The following DOCK2 variants were observed in gnomAD, a reference collection of about 807,000 sequenced individuals.
The protein encoded by DOCK2 is dedicator of cytokinesis protein 2.
DOCK2 carries 87 observed loss-of-function variants against 248.9 expected under a neutral mutation model. That is an observed-to-expected ratio of 0.35 (90% CI 0.29 to 0.42). DOCK2 has a LOEUF of 0.42. Among genes scored for constraint, DOCK2 ranks in the 10% least tolerant of loss-of-function variants. The pLI is 1.00. For synonymous variants in DOCK2, 805 were observed against 821.6 expected, an observed-to-expected ratio of 0.98 and a Z score of 0.35; for missense variants, 1,747 against 2,300.2, an observed-to-expected ratio of 0.76 and a Z score of 4.92.
chr5:169,900,236 A>G (rs1210839324), intron 27 of DOCK2, among the ~76,000 whole-genome samples: 1 of 152,214 alleles, frequency 6.6e-6, no homozygotes, highest in East Asian at 1.9e-4. Flanking sequence ...CCACCATCCC[A>G]GGCCCTAACC....
At chr5:169,866,669 CCTT>C (rs1434687599) in intron 27 of DOCK2, among the ~76,000 whole-genome samples, 1 of 152,194 alleles carries the variant, frequency 6.6e-6, no homozygotes, top group Non-Finnish European at 1.5e-5. Context: ...CTGTTAGAGA[CCTT>C]CTAGCCAAAG....
chr5:169,732,049 G>T (rs990400020), intron 22 of DOCK2, among the ~76,000 whole-genome samples: 33 of 152,156 alleles, frequency 2.2e-4, no homozygotes, highest in African/African-American at 8.0e-4. Flanking sequence ...AACCCGGGAG[G>T]CAGAAGTTGC....
intron 45 of DOCK2, 150 bp from the exon 46 acceptor site, chr5:170,068,987 G>T (rs1315771370): frequency 1.6e-6 from 1 of 620,820 alleles, no homozygotes; most frequent in East Asian, 2.9e-5. Context: ...AACAATGTCA[G>T]TCTCTCCAGA....
chr5:170,078,491 G>A (rs1757917429), intron 48 of DOCK2, among the ~76,000 whole-genome samples: 1 of 152,180 alleles, frequency 6.6e-6, no homozygotes, highest in African/African-American at 2.4e-5. Context: ...AGATACATGA[G>A]CAACCCAGCA....
chr5:169,749,979 C>T (rs1763812868), intron 23 of DOCK2, among the ~76,000 whole-genome samples: 1 of 152,172 alleles, frequency 6.6e-6, no homozygotes, highest in Admixed American at 6.5e-5. Flanking sequence ...AGTAGCCACA[C>T]AGTGTTGGGA....
At chr5:170,039,097 T>C (rs1181871349) in intron 36 of DOCK2, among the ~76,000 whole-genome samples, 1 of 152,256 alleles carries the variant, frequency 6.6e-6, no homozygotes, top group Non-Finnish European at 1.5e-5. Flanking sequence ...TGGCTCTGGC[T>C]CTTTTAACCT....
At chr5:169,877,120 A>C (rs1013579904) in intron 27 of DOCK2, among the ~76,000 whole-genome samples, 1 of 152,238 alleles carries the variant, frequency 6.6e-6, no homozygotes, top group African/African-American at 2.4e-5. Context: ...CACACAAAGC[A>C]GGGCAGAAAA....
At chr5:169,671,685 C>T (rs1759057304) in intron 5 of DOCK2, among the ~76,000 whole-genome samples, 1 of 152,190 alleles carries the variant, frequency 6.6e-6, no homozygotes, top group Admixed American at 6.5e-5. Context: ...TTAAATCCTC[C>T]TTTGATGCTC....
intron 27 of DOCK2, among the ~76,000 whole-genome samples, chr5:169,901,911 A>G (rs1226847389): frequency 6.6e-6 from 1 of 152,184 alleles, no homozygotes; most frequent in Non-Finnish European, 1.5e-5. Context: ...GCAAGAACAC[A>G]TGGCTCTGGG....
chr5:169,867,480 T>C (rs1333050787), intron 27 of DOCK2, among the ~76,000 whole-genome samples: 1 of 152,170 alleles, frequency 6.6e-6, no homozygotes, highest in Non-Finnish European at 1.5e-5. Context: ...CATCCATCTA[T>C]CATCTATCTA....
intron 34 of DOCK2, among the ~76,000 whole-genome samples, chr5:170,033,566 C>T (rs1370115561): frequency 2.6e-5 from 4 of 152,138 alleles, no homozygotes; most frequent in Admixed American, 6.5e-5. Context: ...ATGCAGTGTT[C>T]GGCAGTAGAG....
intron 29 of DOCK2, among the ~76,000 whole-genome samples, chr5:169,987,173 A>C (rs1025871739): frequency 1.3e-5 from 2 of 152,180 alleles, no homozygotes; most frequent in African/African-American, 2.4e-5. Flanking sequence ...AATGGGCTCT[A>C]GAAGTTGCAG....
At chr5:169,746,806 G>A (rs1763640618) in intron 22 of DOCK2, among the ~76,000 whole-genome samples, 1 of 152,206 alleles carries the variant, frequency 6.6e-6, no homozygotes, top group South Asian at 2.1e-4. Flanking sequence ...TTGGATTAAT[G>A]AGGAGTCTCA....
chr5:169,978,395 G>GGT (rs1777805295), intron 27 of DOCK2, among the ~76,000 whole-genome samples: 1 of 142,322 alleles, frequency 7.0e-6, no homozygotes, highest in Non-Finnish European at 1.5e-5. Flanking sequence ...GTGTGTGTGG[G>GGT]GGGGGGGGGG....
chr5:169,712,530 A>G (rs552067055), intron 17 of DOCK2, among the ~76,000 whole-genome samples: 259 of 152,334 alleles, frequency 1.7e-3, no homozygotes, highest in African/African-American at 5.8e-3. Context: ...AATGACTGTT[A>G]TATACTCTTG....
intron 27 of DOCK2, chr5:169,883,195 G>A (rs1772767358): frequency 6.4e-7 from 1 of 1,551,650 alleles, no homozygotes. Flanking sequence ...GTCATCCAAA[G>A]GGTGTATGGA....
At chr5:169,954,299 TA>T (rs1031467964) in intron 27 of DOCK2, among the ~76,000 whole-genome samples, 12 of 152,396 alleles carry the variant, frequency 7.9e-5, no homozygotes, top group Non-Finnish European at 1.5e-4. Context: ...AAATTGTTTT[TA>T]AGTGTAATAA....
At position 170,082,785 on chromosome 5, in the gene DOCK2, T is replaced by C. The variant is rs753002301; in HGVS notation, c.5431-11T>C. 3 of 1,614,128 alleles carry C rather than the reference T, an allele frequency of 1.9e-6. No individual in the cohort carries two copies. On this transcript the variant is annotated splice_polypyrimidine_tract_variant and intron_variant, in intron 51 of 51. Transcript: ENST00000520908. ...GCATCTTGGTTTTGTGCTTGTTTAT[T>C]CTCTCAAAAGCTGGCCAGCAAATCG...
chr5:170,068,279 A>G (rs1757565464), intron 45 of DOCK2, among the ~76,000 whole-genome samples: 1 of 152,198 alleles, frequency 6.6e-6, no homozygotes, highest in African/African-American at 2.4e-5. Flanking sequence ...TACATTATCC[A>G]CTGGAAGGAA....
Sources: allele counts gnomAD v4.1 joint callset (sites outside exome capture counted in the v4.1 genomes callset), GRCh38; gene constraint gnomAD v4.1.1; transcripts MANE v1.5; gene names NCBI Gene and HGNC (gene_info 2026-07-23, HGNC 2026-07-21).